Variants in PRKN observed in about 807,000 individuals in gnomAD.
PRKN encodes E3 ubiquitin-protein ligase parkin.
Under a neutral mutation model 59.5 loss-of-function variants are expected in PRKN, and 56 were observed. The observed-to-expected ratio is 0.94, with a 90% confidence interval of 0.76 to 1.18. PRKN has a LOEUF of 1.18. Among genes scored for constraint, PRKN ranks in the 50% most tolerant of loss-of-function variants. PRKN has a pLI of 0.00. For synonymous variants in PRKN, 250 were observed against 222.1 expected (o/e 1.13, Z -1.12); for missense variants, 657 against 596.4 (o/e 1.10, Z -1.06).
At chr6:162,491,667 C>T (rs941831261) in intron 1 of PRKN, among the ~76,000 whole-genome samples, 2 of 152,154 alleles carry the variant, frequency 1.3e-5, no homozygotes, top group African/African-American at 4.8e-5. Context: ...GGGGGTCAGG[C>T]TTGACTAGGG....
intron 2 of PRKN, among the ~76,000 whole-genome samples, chr6:162,426,636 C>G (rs796568492): frequency 6.6e-6 from 1 of 152,070 alleles, no homozygotes; most frequent in Non-Finnish European, 1.5e-5. Flanking sequence ...TTTGTAGAGA[C>G]GGGTTTCACC....
intron 4 of PRKN, among the ~76,000 whole-genome samples, chr6:162,107,797 T>G (rs1398273133): frequency 2.6e-5 from 4 of 152,172 alleles, no homozygotes; most frequent in Non-Finnish European, 4.4e-5. Flanking sequence ...CCCCAGATCC[T>G]AAGGTTTCTG....
intron 6 of PRKN, among the ~76,000 whole-genome samples, chr6:161,846,707 G>A (rs957276535): frequency 1.3e-5 from 2 of 152,160 alleles, no homozygotes; most frequent in Non-Finnish European, 2.9e-5. Flanking sequence ...CGGGTCTTGT[G>A]TCTCCAGATT....
intron 9 of PRKN, among the ~76,000 whole-genome samples, chr6:161,492,246 T>C (rs1777586655): frequency 6.6e-6 from 1 of 152,228 alleles, no homozygotes; most frequent in African/African-American, 2.4e-5. Context: ...TTTAAAGATG[T>C]AGAAGCTATT....
intron 5 of PRKN, among the ~76,000 whole-genome samples, chr6:162,024,862 C>G (rs868735700): frequency 1.3e-5 from 2 of 152,114 alleles, no homozygotes; most frequent in South Asian, 2.1e-4. Flanking sequence ...GTAAGCATCT[C>G]AAAAATAAGT....
At position 161,859,160 on chromosome 6, in the gene PRKN, C is replaced by T. The variant is rs576495317; in HGVS notation, c.735-73252G>A. ...CTGGGATTACAGGCATAAGCCACCACACAAGGCCACAGCGATACTTTTTGA... is the reference window on the plus strand; with the variant it reads ...CTGGGATTACAGGCATAAGCCACCATACAAGGCCACAGCGATACTTTTTGA... On this transcript the variant is annotated intron_variant, in intron 6 of 11. Coordinates refer to ENST00000366898, the MANE Select transcript of PRKN (RefSeq NM_004562.3). Among the ~76,000 whole-genome samples, 28 of 151,802 alleles carry T rather than the reference C, an allele frequency of 1.8e-4. 1 individual carries two copies. The highest frequency in any genetic ancestry group is 3.6e-4 in the African/African-American group (15 of 41,344).
intron 3 of PRKN, among the ~76,000 whole-genome samples, chr6:162,257,263 T>C (rs955496060): frequency 1.3e-5 from 2 of 152,068 alleles, no homozygotes; most frequent in Admixed American, 1.3e-4. Flanking sequence ...CTGAGGTCAG[T>C]AGTTCCAGAC....
In PRKN at chr6:161,540,230, T is replaced by TA. The variant is rs1468383960; in HGVS notation, c.1083+8623dup. On this transcript the variant is annotated intron_variant, in intron 9 of 11. Coordinates refer to ENST00000366898, the MANE Select transcript of PRKN (RefSeq NM_004562.3). The stretch of plus-strand genomic sequence containing the variant: ...TTATTATCATAATGCCCCATGCAGT[T>TA]AATGTTTTTGAGATTGACACATGGT... Among the ~76,000 whole-genome samples the TA allele has an allele frequency of 2.0e-5, 3 of 152,226 alleles. No homozygotes were observed. The East Asian group carries it at 5.8e-4, about 29-fold the overall frequency.
At chr6:162,199,199 T>C (rs192499590) in intron 4 of PRKN, among the ~76,000 whole-genome samples, 1 of 148,168 alleles carries the variant, frequency 6.7e-6, no homozygotes, top group Admixed American at 6.7e-5. Context: ...ACATCTATCG[T>C]AATTATATCT....
At chr6:162,201,686 C>A (rs994597640) in intron 3 of PRKN, among the ~76,000 whole-genome samples, 3 of 152,128 alleles carry the variant, frequency 2.0e-5, no homozygotes, top group Non-Finnish European at 2.9e-5. Context: ...GAAAAACCAG[C>A]CCATTTATCG....
At chr6:162,120,177 A>T (rs1011981999) in intron 4 of PRKN, among the ~76,000 whole-genome samples, 7 of 151,928 alleles carry the variant, frequency 4.6e-5, no homozygotes, top group Non-Finnish European at 8.8e-5. Context: ...TAATTTTTAT[A>T]TTTTTTTGCA....
At chr6:162,478,707 C>T (rs530815191) in intron 1 of PRKN, among the ~76,000 whole-genome samples, 3 of 152,256 alleles carry the variant, frequency 2.0e-5, no homozygotes, top group East Asian at 1.9e-4. Flanking sequence ...ATGGTACAGG[C>T]GACTCCACAC....
At chr6:162,480,474 G>A (rs1792250924) in intron 1 of PRKN, among the ~76,000 whole-genome samples, 1 of 151,472 alleles carries the variant, frequency 6.6e-6, no homozygotes, top group Non-Finnish European at 1.5e-5. Context: ...TATTTCTGAA[G>A]GAGAAAAACT....
intron 7 of PRKN, among the ~76,000 whole-genome samples, chr6:161,601,317 A>G (rs529317513): frequency 6.6e-6 from 1 of 152,250 alleles, no homozygotes; most frequent in South Asian, 2.1e-4. Context: ...CCCCATTGGT[A>G]GTGCTCCTAG....
intron 6 of PRKN, among the ~76,000 whole-genome samples, chr6:161,876,699 T>C (rs1414545941): frequency 2.6e-5 from 4 of 152,182 alleles, no homozygotes; most frequent in Non-Finnish European, 5.9e-5. Context: ...TTTCAACATG[T>C]ATGTGATTTT....
intron 4 of PRKN, among the ~76,000 whole-genome samples, chr6:162,174,267 G>C (rs1783430239): frequency 6.6e-6 from 1 of 152,052 alleles, no homozygotes; most frequent in South Asian, 2.1e-4. Context: ...CTTTATATTT[G>C]CTGATGTGAG....
At chr6:162,335,552 C>T (rs1783804898) in intron 2 of PRKN, among the ~76,000 whole-genome samples, 1 of 152,090 alleles carries the variant, frequency 6.6e-6, no homozygotes, top group Admixed American at 6.5e-5. Context: ...TCTAAATATA[C>T]CTTTTGTTAA....
At chr6:161,993,404 A>C (rs1223308181) in intron 5 of PRKN, among the ~76,000 whole-genome samples, 1 of 152,164 alleles carries the variant, frequency 6.6e-6, no homozygotes, top group Non-Finnish European at 1.5e-5. Context: ...AGTAGGAAGA[A>C]AGAAAACCTA....
intron 5 of PRKN, among the ~76,000 whole-genome samples, chr6:162,027,695 T>C (rs143378067): frequency 1.3e-5 from 2 of 152,262 alleles, no homozygotes; most frequent in Admixed American, 1.3e-4. Context: ...AATGTTTTAA[T>C]ACATCTGCCT....
Sources: gnomAD v4.1 joint callset for allele counts (sites outside exome capture counted in the v4.1 genomes callset) on GRCh38, gnomAD v4.1.1 for gene constraint, MANE v1.5 for transcripts, NCBI Gene and HGNC (gene_info 2026-07-23, HGNC 2026-07-21) for gene names.